SPARC: variants seen among roughly 807,000 people sequenced by gnomAD.
SPARC encodes basement-membrane protein 40.
SPARC carries 23 observed loss-of-function variants against 37.7 expected under a neutral mutation model. That is an observed-to-expected ratio of 0.61 (90% CI 0.44 to 0.87). SPARC has a LOEUF of 0.87. Among genes scored for constraint, SPARC ranks in the 40% least tolerant of loss-of-function variants. SPARC has a pLI of 0.00. For synonymous variants in SPARC, 155 were observed against 150.8 expected, an observed-to-expected ratio of 1.03 and a Z score of -0.20; for missense variants, 312 against 389.0, an observed-to-expected ratio of 0.80 and a Z score of 1.66.
intron 1 of SPARC, chr5:151,685,972 A>T (rs1014972262): frequency 1.2e-4 from 18 of 152,324 alleles, no homozygotes; most frequent in African/African-American, 4.1e-4. Context: ...TGTCTGAAGA[A>T]GAACTGACAC....
chr5:151,674,680 G>T lies in SPARC; in HGVS notation c.58-6C>A. 1 of 1,614,068 alleles carries T rather than the reference G, an allele frequency of 6.2e-7. No homozygotes were observed. The highest frequency in any genetic ancestry group is 1.1e-5 in the South Asian group (1 of 91,070). Reference sequence around the variant, plus strand: ...TCAGGCAGGGCTTCTTGCTGCTGTTGGAAAGAGAAAGTAGCGTTCAGAGGG... The same window carrying T: ...TCAGGCAGGGCTTCTTGCTGCTGTTTGAAAGAGAAAGTAGCGTTCAGAGGG... On this transcript the variant is annotated splice_region_variant and splice_polypyrimidine_tract_variant and intron_variant, in intron 2 of 9. Transcript: ENST00000231061.
chr5:151,681,172 C>G (rs1189852548), intron 1 of SPARC, among the ~76,000 whole-genome samples: 1 of 152,238 alleles, frequency 6.6e-6, no homozygotes, highest in Non-Finnish European at 1.5e-5. Flanking sequence ...ATAAAGGAAG[C>G]CAAGAGCCAG....
At position 151,685,420 on chromosome 5, in the gene SPARC, T is replaced by TCACACA. The variant is rs368789187; in HGVS notation, c.-14+1444_-14+1445insTGTGTG. Among the ~76,000 whole-genome samples the TCACACA allele has an allele frequency of 9.7e-3, 1,044 of 107,182 alleles. 4 individuals are homozygous for TCACACA. Among genetic ancestry groups the TCACACA allele is most frequent in the Non-Finnish European group, 0.012 (639 of 52,580 alleles). 70.3% of individuals were successfully genotyped at this position (107,182 alleles called of 152,430 possible). A position where few individuals can be genotyped will look rare whatever the true frequency, so the allele number is the denominator to read the frequency against. On this transcript the variant is annotated intron_variant, in intron 1 of 9. Transcript: ENST00000231061. The stretch of plus-strand genomic sequence containing the variant: ...CTCTCTCTCTCTCTCTCCCTCTCTC[T>TCACACA]CTCACACACACACACACACACACAC...
intron 1 of SPARC, among the ~76,000 whole-genome samples, chr5:151,685,647 C>T (rs1037711991): frequency 2.6e-5 from 4 of 152,192 alleles, no homozygotes; most frequent in African/African-American, 7.2e-5. Context: ...CCTAAGATCA[C>T]ACATAAAATG....
At chr5:151,682,835 A>G (rs1761026950) in intron 1 of SPARC, among the ~76,000 whole-genome samples, 1 of 152,210 alleles carries the variant, frequency 6.6e-6, no homozygotes, top group African/African-American at 2.4e-5. Flanking sequence ...CATCAAGATG[A>G]CCCAGAGTGA....
intron 1 of SPARC, among the ~76,000 whole-genome samples, chr5:151,680,959 G>A (rs918090509): frequency 2.0e-5 from 3 of 152,220 alleles, no homozygotes; most frequent in African/African-American, 7.2e-5. Flanking sequence ...GTGGAACAAA[G>A]GACATATTGC....
At chr5:151,669,826 G>A (rs759059725) in intron 5 of SPARC, 42 bp from the exon 6 acceptor site, 30 of 1,610,880 alleles carry the variant, frequency 1.9e-5, no homozygotes, top group Non-Finnish European at 2.5e-5. Context: ...CATTCCCAAA[G>A]CCCTTCGCTG....
Position 151,664,241 on chromosome 5 carries a change from G to A in SPARC, c.735-6C>T, listed in dbSNP as rs373835368. ...GCTCGGTGTGGGAGAGGTACCTGCA[G>A]GGAAGGAGGCAGGGGAGGGCCTGAG... is the stretch of plus-strand genomic sequence containing the variant. On this transcript the variant is annotated splice_polypyrimidine_tract_variant and splice_region_variant and intron_variant, in intron 8 of 9. Coordinates refer to ENST00000231061, the MANE Select transcript of SPARC (RefSeq NM_003118.4). The A allele has an allele frequency of 2.5e-6, 4 of 1,613,078 alleles. No homozygotes were observed. Among genetic ancestry groups the A allele is most frequent in the Non-Finnish European group, 3.4e-6 (4 of 1,179,720 alleles).
chr5:151,663,888 G>C (rs572659039), intron 9 of SPARC, among the ~76,000 whole-genome samples, 199 bp downstream of exon 9: 1 of 152,244 alleles, frequency 6.6e-6, no homozygotes, highest in Non-Finnish European at 1.5e-5. Context: ...AAGGGAAAGA[G>C]AGAGGGACAG....
chr5:151,663,573 A>G lies in SPARC; in HGVS notation c.910T>C (p.Ter304GlnextTer12). The G allele has an allele frequency of 6.2e-7, 1 of 1,613,930 alleles. No homozygotes were observed. The highest frequency in any genetic ancestry group is 8.5e-7 in the Non-Finnish European group (1 of 1,179,772). ...CCGGTACTGTGGAAGGAGTGGATTT[A>G]GATCACAAGATCCTTGTCGATATCC... ...QKDIDKDLVI[*>Q] The change falls in exon 10 of 10, where the codon TAA becomes CAA. Residue 304 changes from the stop codon to glutamine, a stop_lost. Transcript: ENST00000231061.
At chr5:151,685,530 A>C (rs927901554) in intron 1 of SPARC, among the ~76,000 whole-genome samples, 1 of 151,986 alleles carries the variant, frequency 6.6e-6, no homozygotes, top group African/African-American at 2.4e-5. Context: ...ACCCTGGTTA[A>C]GAAATCTTCC....
intron 3 of SPARC, 22 bp downstream of exon 3, chr5:151,674,590 G>C (rs1273939942): frequency 6.2e-7 from 1 of 1,612,448 alleles, no homozygotes; most frequent in Admixed American, 1.7e-5. Flanking sequence ...GGGCTAAGGG[G>C]CTGCGGTCAC....
intron 2 of SPARC, among the ~76,000 whole-genome samples, chr5:151,674,879 G>C (rs974734200): frequency 6.6e-5 from 10 of 152,130 alleles, no homozygotes; most frequent in Non-Finnish European, 1.3e-4. Flanking sequence ...CACTCAAGCA[G>C]CTCCCATTTT....
chr5:151,676,051 G>T, intron 2 of SPARC, 81 bp downstream of exon 2: 1 of 1,160,780 alleles, frequency 8.6e-7, no homozygotes, highest in Non-Finnish European at 1.3e-6. Flanking sequence ...TTCCCTTTCA[G>T]CATCCAGGGC....
In SPARC at chr5:151,661,891, A is replaced by G. The variant is rs1475589281; in HGVS notation, c.*1680T>C. On this transcript the variant is annotated 3_prime_UTR_variant, in exon 10 of 10. Coordinates refer to ENST00000231061, the MANE Select transcript of SPARC (RefSeq NM_003118.4). ...CTGCCGTACGGAACAGTACAGCACT[A>G]GAATAATGCTGTGTCCTCCTGTTAC... 2.0e-5 allele frequency: 3 copies of G among 152,242 alleles called. No individual in the cohort carries two copies. The highest frequency in any genetic ancestry group is 7.2e-5 in the African/African-American group (3 of 41,452). 9.4% of individuals were successfully genotyped at this position (152,242 alleles called of 1,614,324 possible). A position where few individuals can be genotyped will look rare whatever the true frequency, so the allele number is the denominator to read the frequency against.
At chr5:151,679,859 T>C (rs896145305) in intron 1 of SPARC, 1 of 152,202 alleles carries the variant, frequency 6.6e-6, no homozygotes, top group Non-Finnish European at 1.5e-5. Context: ...CATAGAATCA[T>C]GGACTGTGGG....
Position 151,666,440 on chromosome 5 carries a change from C to A in SPARC, c.655G>T (p.Asp219Tyr), listed in dbSNP as rs2113085928. Residue 219 changes from aspartate to tyrosine, a missense_variant, in exon 8 of 10, where the codon GAC (aspartate) becomes TAC (tyrosine). Physicochemically the swap from Asp to Tyr is radical, Grantham distance 160. Transcript: ENST00000231061. ...TACATGTTATAGTTCTTCTCGAAGTCCCGGGCCAGCAGCTCCACGGGGTGG... is the reference window on the plus strand; with the variant it reads ...TACATGTTATAGTTCTTCTCGAAGTACCGGGCCAGCAGCTCCACGGGGTGG... ...GDHPVELLARDFEKNYNMYIF... is the reference protein window; with the variant it reads ...GDHPVELLARYFEKNYNMYIF... The A allele has an allele frequency of 6.2e-7, 1 of 1,614,198 alleles. No individual in the cohort carries two copies. Among genetic ancestry groups the A allele is most frequent in the Non-Finnish European group, 8.5e-7 (1 of 1,180,014 alleles).
At chr5:151,663,857 G>A (rs919458194) in intron 9 of SPARC, among the ~76,000 whole-genome samples, 2 of 152,212 alleles carry the variant, frequency 1.3e-5, no homozygotes, top group African/African-American at 4.8e-5. Flanking sequence ...GTTTAGCACG[G>A]GTGAGTGCTA....
At chr5:151,683,740 A>G (rs1417291576) in intron 1 of SPARC, among the ~76,000 whole-genome samples, 1 of 152,186 alleles carries the variant, frequency 6.6e-6, no homozygotes, top group Non-Finnish European at 1.5e-5. Flanking sequence ...GTAATAGGCG[A>G]GGGTCAGAAT....
Sources: gnomAD v4.1 joint callset for allele counts (sites outside exome capture counted in the v4.1 genomes callset) on GRCh38, gnomAD v4.1.1 for gene constraint, MANE v1.5 for transcripts, NCBI Gene and HGNC (gene_info 2026-07-23, HGNC 2026-07-21) for gene names.